The following BBX variants were observed in gnomAD, a reference collection of about 807,000 sequenced individuals.
BBX encodes the protein BBX high mobility group box domain containing, also known as HMG box transcription factor BBX.
BBX carries 30 observed loss-of-function variants against 100.2 expected under a neutral mutation model. The observed-to-expected ratio is 0.30, with a 90% CI of 0.22 to 0.41. BBX has a LOEUF of 0.41. BBX is among the 10% of genes least tolerant of loss of function. BBX has a pLI of 1.00. For synonymous variants in BBX, 376 were observed against 388.1 expected (o/e 0.97, Z 0.37); for missense variants, 1,023 against 1,129.8 (o/e 0.91, Z 1.35).
At chr3:107,701,297 C>T (rs564018191) in intron 3 of BBX, among the ~76,000 whole-genome samples, 1 of 152,110 alleles carries the variant, frequency 6.6e-6, no homozygotes, top group Non-Finnish European at 1.5e-5. Context: ...AACGGAAGAC[C>T]TTGTTTTCAT....
At chr3:107,692,105 T>C (rs1259274552) in intron 3 of BBX, among the ~76,000 whole-genome samples, 1 of 151,962 alleles carries the variant, frequency 6.6e-6, no homozygotes. Context: ...TCATTGTTTC[T>C]GCATTGTTTT....
chr3:107,685,449 G>A (rs2059791481), intron 3 of BBX, among the ~76,000 whole-genome samples: 1 of 152,162 alleles, frequency 6.6e-6, no homozygotes, highest in Admixed American at 6.5e-5. Flanking sequence ...AGGAAGCAAA[G>A]GGGAGGAAAC....
At chr3:107,759,548 G>A (rs1027947951) in intron 10 of BBX, among the ~76,000 whole-genome samples, 8 of 152,182 alleles carry the variant, frequency 5.3e-5, no homozygotes, top group Admixed American at 3.3e-4. Flanking sequence ...AGAGATATCT[G>A]AACCTGTGTA....
intron 2 of BBX, 139 bp downstream of exon 2, chr3:107,526,537 A>G (rs1576167278): frequency 2.5e-6 from 1 of 395,110 alleles, no homozygotes; most frequent in Non-Finnish European, 4.5e-6. Context: ...TTCCCACAGC[A>G]TAAGTCAGTT....
At position 107,523,037 on chromosome 3, in the gene BBX, C is replaced by T. The variant is rs1438921693; in HGVS notation, c.-226C>T. ...GCTCCGCGAGCTTCTCTCCACTTTC[C>T]CATAGAGAAACCCTGACTGGCCGCT... On this transcript the variant is annotated 5_prime_UTR_variant, in exon 1 of 18. Coordinates refer to ENST00000325805, the MANE Select transcript of BBX (RefSeq NM_001142568.3). 6.5e-6 allele frequency: 1 copy of T among 154,122 alleles called. No homozygotes were observed. The highest frequency in any genetic ancestry group is 1.4e-5 in the Non-Finnish European group (1 of 69,114). 9.5% of individuals were successfully genotyped at this position (154,122 alleles called of 1,614,324 possible).
intron 5 of BBX, among the ~76,000 whole-genome samples, chr3:107,717,719 G>T (rs1461477850): frequency 2.0e-5 from 3 of 151,944 alleles, no homozygotes; most frequent in African/African-American, 4.8e-5. Context: ...GTTGTATCAT[G>T]GTTCTTTTAC....
At chr3:107,803,953 G>GT (rs11388129) in intron 17 of BBX, among the ~76,000 whole-genome samples, 139,820 of 144,364 alleles carry the variant, frequency 0.97, 67,717 homozygotes, top group Middle Eastern at 0.99. Context: ...CATCTTTTTT[G>GT]TTTTTTTTTT....
At chr3:107,741,887 TC>T (rs1259806729) in intron 7 of BBX, among the ~76,000 whole-genome samples, 1 of 152,168 alleles carries the variant, frequency 6.6e-6, no homozygotes, top group Non-Finnish European at 1.5e-5. Context: ...TTTATCAAAT[TC>T]ATGTGTAGAT....
chr3:107,798,720 G>A lies in BBX; in HGVS notation c.2551G>A (p.Asp851Asn), dbSNP rs752450092. 1 of 1,613,556 alleles carries A rather than the reference G, an allele frequency of 6.2e-7. No homozygotes were observed. Among genetic ancestry groups the A allele is most frequent in the Non-Finnish European group, 8.5e-7 (1 of 1,179,826 alleles). The change falls in exon 16 of 18, where the codon GAT becomes AAT. Residue 851 changes from aspartate (D) to asparagine (N), a missense_variant and splice_region_variant. Physicochemically the swap from Asp to Asn is conservative, Grantham distance 23. Coordinates refer to ENST00000325805, the MANE Select transcript of BBX (RefSeq NM_001142568.3). ...GRVSPAGGTL[D>N]DKPKEQLQRS... ...GGTATCACCAGCAGGAGGTACTTTG[G>A]GTAAGAAGAGAGAGCTTTAGACCAG...
intron 3 of BBX, among the ~76,000 whole-genome samples, chr3:107,655,991 T>G (rs1209175858): frequency 1.3e-5 from 2 of 152,144 alleles, no homozygotes; most frequent in Non-Finnish European, 2.9e-5. Context: ...TGAGCCACCA[T>G]GTCCAGCTAA....
intron 3 of BBX, among the ~76,000 whole-genome samples, chr3:107,689,167 G>A (rs1160307284): frequency 6.6e-6 from 1 of 151,998 alleles, no homozygotes; most frequent in Non-Finnish European, 1.5e-5. Context: ...TTAAAATCTA[G>A]CAATACTTGG....
Position 107,791,287 on chromosome 3 carries a change from C to T in BBX, c.2341C>T (p.His781Tyr), listed in dbSNP as rs997384148. 5 of 1,612,804 alleles carry T rather than the reference C, an allele frequency of 3.1e-6. No individual in the cohort carries two copies. Among genetic ancestry groups the T allele is most frequent in the Admixed American group, 1.7e-5 (1 of 59,976 alleles). ...CAAGCAACTCTTCTTGGATGCCATT[C>T]ACCCTACAGAAGGTAAGACAAGCAA... is the stretch of plus-strand genomic sequence containing the variant. ...SNKQLFLDAI[H>Y]PTEAIFSEDR... Residue 781 changes from histidine (H) to tyrosine (Y), a missense_variant, in exon 15 of 18, where the codon CAC becomes TAC. By Grantham distance (83) the His-to-Tyr change is moderately conservative. Coordinates refer to ENST00000325805, the MANE Select transcript of BBX (RefSeq NM_001142568.3).
chr3:107,671,174 C>T (rs1468890597), intron 3 of BBX, among the ~76,000 whole-genome samples: 3 of 151,380 alleles, frequency 2.0e-5, no homozygotes, highest in African/African-American at 7.3e-5. Flanking sequence ...AAGCAGCTGT[C>T]TTAAATATGT....
At chr3:107,548,908 A>C (rs1307991499) in intron 2 of BBX, among the ~76,000 whole-genome samples, 1 of 152,200 alleles carries the variant, frequency 6.6e-6, no homozygotes, top group Non-Finnish European at 1.5e-5. Flanking sequence ...CAAATACCAC[A>C]TTCTCTCAGT....
chr3:107,736,941 G>A (rs889472614), intron 7 of BBX, among the ~76,000 whole-genome samples: 4 of 152,096 alleles, frequency 2.6e-5, no homozygotes, highest in Non-Finnish European at 5.9e-5. Context: ...ACTGTTGGAA[G>A]CTAAACTTTC....
At position 107,605,765 on chromosome 3, in the gene BBX, C is replaced by G. The variant is rs556150966; in HGVS notation, c.-83-40071C>G. ...GAAATGGAAGCACAGGAAGTGAAGG[C>G]TTGCTGTAGACATAGTGCTTAGCCA... On this transcript the variant is annotated intron_variant, in intron 2 of 17. Transcript: ENST00000325805. 5.9e-4 allele frequency among the ~76,000 whole-genome samples: 90 copies of G among 152,278 alleles called. 1 individual carries two copies. The highest frequency in any genetic ancestry group is 2.1e-3 in the African/African-American group (88 of 41,568).
chr3:107,587,397 TTTAG>T (rs2107578776), intron 2 of BBX, among the ~76,000 whole-genome samples: 1 of 151,514 alleles, frequency 6.6e-6, no homozygotes, highest in Non-Finnish European at 1.5e-5. Context: ...CTTTTGAGAA[TTTAG>T]TTACATATTG....
At chr3:107,743,259 A>AT (rs2064265712) in intron 7 of BBX, among the ~76,000 whole-genome samples, 2 of 152,134 alleles carry the variant, frequency 1.3e-5, no homozygotes, top group Non-Finnish European at 2.9e-5. Context: ...AGAGAAGTTG[A>AT]TTTTTTTAAA....
At chr3:107,768,650 C>G (rs2066595294) in intron 10 of BBX, among the ~76,000 whole-genome samples, 4 of 151,746 alleles carry the variant, frequency 2.6e-5, no homozygotes. Context: ...TATAAAAATA[C>G]AGAATAGAAG....
Sources: gnomAD v4.1 joint callset for allele counts (sites outside exome capture counted in the v4.1 genomes callset) on GRCh38, gnomAD v4.1.1 for gene constraint, MANE v1.5 for transcripts, NCBI Gene and HGNC (gene_info 2026-07-23, HGNC 2026-07-21) for gene names.